ANKRD30BL: variants seen among roughly 807,000 people sequenced by gnomAD.
The protein encoded by ANKRD30BL is putative ankyrin repeat domain-containing protein 30B-like.
In ANKRD30BL, 20 loss-of-function variants were observed where a neutral mutation model predicts 18.4. The ratio of observed to expected loss-of-function variants is 1.09; its 90% confidence interval spans 0.77 to 1.58. ANKRD30BL has a LOEUF of 1.58. ANKRD30BL is among the 40% of genes most tolerant of loss of function. The pLI is 0.00. For synonymous variants in ANKRD30BL, 72 were observed against 100.9 expected (o/e 0.71, Z 1.72); for missense variants, 224 against 268.6 (o/e 0.83, Z 1.16).
chr2:132,183,661 G>C (rs1384358542), intron 1 of ANKRD30BL, among the ~76,000 whole-genome samples: 1 of 151,952 alleles, frequency 6.6e-6, no homozygotes, highest in African/African-American at 2.4e-5. Context: ...CAGGATAGTG[G>C]TGGCAATATA....
chr2:132,162,094 A>G (rs1573807793), upstream of ANKRD30BL: 2 of 184,238 alleles, frequency 1.1e-5, no homozygotes, highest in East Asian at 3.1e-4. Context: ...CTGGAGCGGA[A>G]CGTGGGGGGC....
Position 132,251,500 on chromosome 2 carries a change from T to C in ANKRD30BL, n.441+6029A>G, listed in dbSNP as rs1254320134. On this transcript the variant is annotated intron_variant and non_coding_transcript_variant, in intron 1 of 4. Transcript: ENST00000470729. ...CCACCCCTTCCCCTTGGCAACCCCATAGTCTGTTCTCCATCTTTACAATTT... is the reference window on the plus strand; with the variant it reads ...CCACCCCTTCCCCTTGGCAACCCCACAGTCTGTTCTCCATCTTTACAATTT... 9.2e-5 allele frequency among the ~76,000 whole-genome samples: 14 copies of C among 152,238 alleles called. No individual in the cohort carries two copies. The East Asian group carries it at 2.1e-3, about 23-fold the overall frequency.
intron 1 of ANKRD30BL, among the ~76,000 whole-genome samples, chr2:132,187,446 C>G (rs1323408001): frequency 6.6e-6 from 1 of 151,928 alleles, no homozygotes; most frequent in African/African-American, 2.4e-5. Flanking sequence ...TCCCAAGTAG[C>G]TGGGACCACA....
At chr2:132,239,182 A>G (rs1573878867) in intron 1 of ANKRD30BL, among the ~76,000 whole-genome samples, 1 of 152,080 alleles carries the variant, frequency 6.6e-6, no homozygotes, top group African/African-American at 2.4e-5. Flanking sequence ...TGATGTGTGT[A>G]CTCAACTCAT....
upstream of ANKRD30BL, among the ~76,000 whole-genome samples, chr2:132,166,355 G>C (rs1688186705): frequency 6.6e-6 from 1 of 150,832 alleles, no homozygotes; most frequent in Non-Finnish European, 1.5e-5. Context: ...TGAAAAGTCT[G>C]TGGAAAATTG....
rs558561713 is a variant in ANKRD30BL at position 132,226,903 on chromosome 2, C to T, written n.441+30626G>A. On this transcript the variant is annotated intron_variant and non_coding_transcript_variant, in intron 1 of 4. Coordinates refer to the ANKRD30BL transcript ENST00000470729. ...TAGACAGAAGCATTCTCAGAAACTT[C>T]TTTGTGATGTTTGCATTCAACTCAC... Among the ~76,000 whole-genome samples the T allele has an allele frequency of 1.2e-3, 180 of 151,792 alleles. 2 individuals carry two copies. The highest frequency in any genetic ancestry group is 4.1e-3 in the African/African-American group (168 of 41,432).
intron 1 of ANKRD30BL, among the ~76,000 whole-genome samples, chr2:132,252,733 A>G (rs1192595203): frequency 6.7e-6 from 1 of 150,072 alleles, no homozygotes; most frequent in African/African-American, 2.5e-5. Flanking sequence ...AACCCCCAAC[A>G]AGCCCCCACC....
intron 1 of ANKRD30BL, among the ~76,000 whole-genome samples, chr2:132,205,579 T>G (rs1573839649): frequency 2.3e-5 from 3 of 130,550 alleles, no homozygotes; most frequent in Admixed American, 8.7e-5. Context: ...CCAGCCTGGG[T>G]GAAAAGAGGG....
intron 1 of ANKRD30BL, among the ~76,000 whole-genome samples, chr2:132,221,179 C>T (rs1465425796): frequency 3.5e-4 from 51 of 145,458 alleles, no homozygotes; most frequent in East Asian, 1.8e-3. Context: ...CCACCCCATC[C>T]GCGAGGGAGG....
At chr2:132,175,378 C>G (rs1688349187) in intron 1 of ANKRD30BL, among the ~76,000 whole-genome samples, 1 of 152,210 alleles carries the variant, frequency 6.6e-6, no homozygotes, top group African/African-American at 2.4e-5. Flanking sequence ...GCCCAAACAT[C>G]TCAGTGGAGT....
At chr2:132,208,382 G>A (rs986929616) in intron 1 of ANKRD30BL, among the ~76,000 whole-genome samples, 3 of 152,006 alleles carry the variant, frequency 2.0e-5, no homozygotes, top group East Asian at 1.9e-4. Context: ...CCTGAAGTTA[G>A]GAAACCCACA....
intron 1 of ANKRD30BL, among the ~76,000 whole-genome samples, chr2:132,211,406 A>T (rs1679345489): frequency 6.6e-6 from 1 of 151,936 alleles, no homozygotes; most frequent in Non-Finnish European, 1.5e-5. Flanking sequence ...TCACGTAAAA[A>T]GTAGACAGAA....
intron 1 of ANKRD30BL, among the ~76,000 whole-genome samples, chr2:132,186,900 T>C (rs1300867225): frequency 6.6e-6 from 1 of 152,056 alleles, no homozygotes; most frequent in African/African-American, 2.4e-5. Flanking sequence ...ATAGGACATA[T>C]GAATGTCATC....
intron 1 of ANKRD30BL, among the ~76,000 whole-genome samples, chr2:132,248,836 A>G (rs1448294325): frequency 3.3e-5 from 5 of 152,090 alleles, no homozygotes; most frequent in Admixed American, 2.6e-4. Context: ...ACCTTTGCCA[A>G]TTCTACAAAA....
chr2:132,172,989 A>T (rs1185612136), intron 1 of ANKRD30BL, among the ~76,000 whole-genome samples: 3 of 151,780 alleles, frequency 2.0e-5, no homozygotes, highest in Non-Finnish European at 4.4e-5. Context: ...TACAGGCGTG[A>T]GCCACCACAC....
intron 1 of ANKRD30BL, among the ~76,000 whole-genome samples, chr2:132,228,106 G>A (rs1019671321): frequency 6.6e-6 from 1 of 152,056 alleles, no homozygotes; most frequent in Non-Finnish European, 1.5e-5. Flanking sequence ...ATAGAAACTA[G>A]ACAGAAGCAT....
intron 1 of ANKRD30BL, among the ~76,000 whole-genome samples, chr2:132,217,706 C>G (rs76589591): frequency 1.3e-5 from 2 of 152,288 alleles, no homozygotes; most frequent in Non-Finnish European, 2.9e-5. Flanking sequence ...AGTTTAAGAA[C>G]CCCCTTTTTG....
upstream of ANKRD30BL, among the ~76,000 whole-genome samples, chr2:132,162,966 AG>A (rs564972801): frequency 4.5e-3 from 689 of 152,306 alleles, 5 homozygotes; most frequent in African/African-American, 0.015. Flanking sequence ...GAGGGCTTCA[AG>A]GTTCCTGAGA....
intron 1 of ANKRD30BL, among the ~76,000 whole-genome samples, chr2:132,255,924 GACCCCCC>G (rs1680821221): frequency 6.6e-6 from 1 of 152,056 alleles, no homozygotes; most frequent in African/African-American, 2.4e-5. Flanking sequence ...GGCGGCACCC[GACCCCCC>G]GGCCGGGGAC....
Sources: gnomAD v4.1 joint callset for allele counts (sites outside exome capture counted in the v4.1 genomes callset) on GRCh38, gnomAD v4.1.1 for gene constraint, MANE v1.5 for transcripts, NCBI Gene and HGNC (gene_info 2026-07-23, HGNC 2026-07-21) for gene names.